The following MAGEB10 variants were observed in gnomAD, a reference collection of about 807,000 sequenced individuals.
The protein encoded by MAGEB10 is melanoma-associated antigen B10.
For missense variants in MAGEB10, 190 were observed against 261.9 expected (o/e 0.73, Z 1.89); for synonymous variants, 99 against 101.0 (o/e 0.98, Z 0.12).
At position 27,821,945 on chromosome X, in the gene MAGEB10, A is replaced by C. The variant is rs1923897496; in HGVS notation, c.639A>C (p.Thr213=). 2 of 1,212,064 alleles carry C rather than the reference A, an allele frequency of 1.7e-6. No individual in the cohort carries two copies. Among genetic ancestry groups the C allele is most frequent in the Admixed American group, 4.3e-5 (2 of 46,072 alleles). ...TGACTGTCCTGGGTATTATCTTCAC[A>C]AATGGCAATTGTGTCGCTGAGGAGG... ...LLMTVLGIIF[T]NGNCVAEEEV... The change falls in exon 3 of 3, where the codon ACA becomes ACC. Residue 213 remains threonine (T), a synonymous_variant. Coordinates refer to ENST00000356790, the MANE Select transcript of MAGEB10 (RefSeq NM_182506.3).
At chrX:27,816,965 T>C (rs1341779637) in intron 1 of MAGEB10, among the ~76,000 whole-genome samples, 3 of 109,953 alleles carry the variant, frequency 2.7e-5, no homozygotes, top group Non-Finnish European at 3.8e-5. Context: ...AAAGGTCATG[T>C]GACTACCCCC....
At chrX:27,811,010 C>G (rs1923672043) in intron 1 of MAGEB10, among the ~76,000 whole-genome samples, 1 of 101,043 alleles carries the variant, frequency 9.9e-6, no homozygotes. Flanking sequence ...ACTGCATACT[C>G]TGGGATATCA....
chrX:27,821,209 G>T (rs1948862189), intron 2 of MAGEB10, 49 bp from the exon 3 acceptor site: 1 of 736,617 alleles, frequency 1.4e-6, no homozygotes, highest in Non-Finnish European at 2.0e-6. Context: ...AGCTAAAGTT[G>T]TATCTCTCTG....
Position 27,822,101 on chromosome X carries a change from C to T in MAGEB10, c.795C>T (p.Asn265=), listed in dbSNP as rs746249224. 5.8e-6 allele frequency: 7 copies of T among 1,210,510 alleles called. No individual in the cohort carries two copies. The highest frequency in any genetic ancestry group is 7.8e-6 in the Non-Finnish European group (7 of 895,373). The part of the protein sequence containing the change: ...ENYLEYQQVP[N]SDPPRYQFLW... ...ACCTGGAGTACCAGCAAGTGCCCAA[C>T]AGTGATCCTCCACGCTATCAATTCC... is the stretch of plus-strand genomic sequence containing the variant. Residue 265 remains asparagine (N), a synonymous_variant, in exon 3 of 3, where the codon AAC becomes AAT. Transcript: ENST00000356790.
At chrX:27,809,774 G>T (rs1479631221) in intron 1 of MAGEB10, among the ~76,000 whole-genome samples, 2 of 99,414 alleles carry the variant, frequency 2.0e-5, no homozygotes, top group Admixed American at 1.1e-4. Flanking sequence ...GGGACTTGGA[G>T]AACCTTTATG....
chrX:27,818,631 T>C (rs1304584882), intron 2 of MAGEB10, among the ~76,000 whole-genome samples: 1 of 112,036 alleles, frequency 8.9e-6, no homozygotes, highest in African/African-American at 3.2e-5. Flanking sequence ...TGATTTTTTG[T>C]TGCTGTGTCT....
intron 1 of MAGEB10, among the ~76,000 whole-genome samples, chrX:27,808,537 G>T (rs1189278472): frequency 9.0e-6 from 1 of 111,649 alleles, no homozygotes; most frequent in African/African-American, 3.3e-5. Flanking sequence ...TCCAGGCCCT[G>T]CCAGGAGGTA....
chrX:27,815,967 G>A (rs1923777837), intron 1 of MAGEB10, among the ~76,000 whole-genome samples: 1 of 111,322 alleles, frequency 9.0e-6, no homozygotes, highest in South Asian at 3.8e-4. Flanking sequence ...TGTAAGAAGA[G>A]TGAGGAGTAA....
At chrX:27,817,825 A>G (rs1923808330) in intron 2 of MAGEB10, 123 bp downstream of exon 2, 1 of 112,061 alleles carries the variant, frequency 8.9e-6, no homozygotes, top group South Asian at 3.7e-4. Flanking sequence ...CAGAATGACA[A>G]GGTTCCAGGA....
At chrX:27,820,807 A>C (rs1178681794) in intron 2 of MAGEB10, among the ~76,000 whole-genome samples, 1 of 111,121 alleles carries the variant, frequency 9.0e-6, no homozygotes, top group African/African-American at 3.3e-5. Flanking sequence ...GAGCTTTTCT[A>C]TTGTAGTCAT....
At chrX:27,816,036 T>C (rs1923779050) in intron 1 of MAGEB10, among the ~76,000 whole-genome samples, 1 of 111,334 alleles carries the variant, frequency 9.0e-6, no homozygotes, top group Admixed American at 9.6e-5. Flanking sequence ...GTGTCCAGTC[T>C]TTGCATGTGG....
intron 1 of MAGEB10, among the ~76,000 whole-genome samples, chrX:27,815,133 C>G (rs773498976): frequency 7.3e-4 from 82 of 111,766 alleles, no homozygotes; most frequent in African/African-American, 2.5e-3. Flanking sequence ...TTGAGTCAGC[C>G]CCTGTGAGTC....
intron 1 of MAGEB10, among the ~76,000 whole-genome samples, chrX:27,810,428 A>G (rs1237604187): frequency 8.9e-6 from 1 of 111,779 alleles, no homozygotes; most frequent in Admixed American, 9.4e-5. Flanking sequence ...CCAATTCCGG[A>G]CACACTATGC....
At chrX:27,809,083 T>C (rs1923603069) in intron 1 of MAGEB10, among the ~76,000 whole-genome samples, 2 of 112,259 alleles carry the variant, frequency 1.8e-5, no homozygotes, top group Admixed American at 1.9e-4. Context: ...TGGGAGCCCC[T>C]TTCTGGGCTG....
At chrX:27,815,515 G>T (rs950654549) in intron 1 of MAGEB10, among the ~76,000 whole-genome samples, 2 of 112,198 alleles carry the variant, frequency 1.8e-5, no homozygotes, top group South Asian at 3.7e-4. Flanking sequence ...GTAGAAAGCA[G>T]ATGAAGTTAG....
At chrX:27,813,538 A>G (rs1923729491) in intron 1 of MAGEB10, among the ~76,000 whole-genome samples, 1 of 111,933 alleles carries the variant, frequency 8.9e-6, no homozygotes, top group African/African-American at 3.3e-5. Flanking sequence ...AAGGGCACGC[A>G]CTGAATTGTA....
chrX:27,813,194 T>A (rs1297531371), intron 1 of MAGEB10, among the ~76,000 whole-genome samples: 1 of 112,269 alleles, frequency 8.9e-6, no homozygotes, highest in East Asian at 2.8e-4. Context: ...CCATCTTATT[T>A]AGTGATCTCC....
rs1417074849 is a variant in MAGEB10 at position 27,822,211 on chromosome X, A to T, written c.905A>T (p.Glu302Val). The T allele has an allele frequency of 8.3e-7, 1 of 1,211,708 alleles. No homozygotes were observed. The highest frequency in any genetic ancestry group is 1.8e-5 in the South Asian group (1 of 56,952). Residue 302 changes from glutamate (E) to valine (V), a missense_variant, in exon 3 of 3, where the codon GAA becomes GTA. Transcript: ENST00000356790. ...LAKVNDTAPS[E>V]FSNWYTEALQ... ...AAGGTAAATGATACAGCTCCCAGTG[A>T]ATTCTCAAACTGGTATACAGAGGCT...
chrX:27,811,414 G>T (rs1385445823), intron 1 of MAGEB10, among the ~76,000 whole-genome samples: 7 of 111,664 alleles, frequency 6.3e-5, no homozygotes, highest in Non-Finnish European at 1.1e-4. Flanking sequence ...GTGGTCACAT[G>T]AGATTCCCCC....
Sources: allele counts gnomAD v4.1 joint callset (sites outside exome capture counted in the v4.1 genomes callset), GRCh38; gene constraint gnomAD v4.1.1; transcripts MANE v1.5; gene names NCBI Gene and HGNC (gene_info 2026-07-23, HGNC 2026-07-21).